The following AKAP19 variants were observed in gnomAD, a reference collection of about 807,000 sequenced individuals.
AKAP19 encodes the protein small A-kinase anchoring protein.
the AKAP19 span, among the ~76,000 whole-genome samples, chr2:189,960,069 G>A: frequency 6.6e-6 from 1 of 152,022 alleles, no homozygotes; most frequent in Non-Finnish European, 1.5e-5. Context: ...ACTTGCCTTG[G>A]CAGAACTGAG....
At chr2:190,010,309 T>A in the AKAP19 span, among the ~76,000 whole-genome samples, 3 of 152,198 alleles carry the variant, frequency 2.0e-5, no homozygotes, top group East Asian at 5.8e-4. Flanking sequence ...ATCCTTTAAT[T>A]GTGTCAATTT....
At chr2:190,128,690 A>C in the AKAP19 span, among the ~76,000 whole-genome samples, 1 of 152,342 alleles carries the variant, frequency 6.6e-6, no homozygotes, top group East Asian at 1.9e-4. Context: ...GTTTGTTTAC[A>C]TGCTTCTTTG....
At chr2:189,920,657 A>G in the AKAP19 span, among the ~76,000 whole-genome samples, 1 of 152,216 alleles carries the variant, frequency 6.6e-6, no homozygotes. Context: ...GCAACAGTTC[A>G]GTCCCACTTT....
At chr2:190,146,875 A>G in the AKAP19 span, among the ~76,000 whole-genome samples, 7 of 151,734 alleles carry the variant, frequency 4.6e-5, no homozygotes, top group Non-Finnish European at 7.4e-5. Context: ...GATTTGTTTG[A>G]GTTTATTATA....
the AKAP19 span, among the ~76,000 whole-genome samples, chr2:190,190,416 G>A: frequency 0.05 from 7,682 of 152,138 alleles, 619 homozygotes; most frequent in African/African-American, 0.17. Context: ...ATTCCATTTT[G>A]AGGATATCCC....
chr2:189,975,340 T>C, the AKAP19 span, among the ~76,000 whole-genome samples: 1 of 152,354 alleles, frequency 6.6e-6, no homozygotes, highest in Non-Finnish European at 1.5e-5. Flanking sequence ...GAGTTTCTGC[T>C]GAGAGATCCC....
the AKAP19 span, among the ~76,000 whole-genome samples, chr2:190,173,863 T>C: frequency 6.6e-6 from 1 of 152,228 alleles, no homozygotes; most frequent in Non-Finnish European, 1.5e-5. Flanking sequence ...TCAGCTTCCC[T>C]GTTCTTTGTT....
chr2:190,024,188 T>C, the AKAP19 span, among the ~76,000 whole-genome samples: 1 of 151,888 alleles, frequency 6.6e-6, no homozygotes, highest in Admixed American at 6.6e-5. Context: ...AGCGTCCTGG[T>C]AAATGTGTCT....
At chr2:190,042,023 TG>T in the AKAP19 span, among the ~76,000 whole-genome samples, 2 of 152,194 alleles carry the variant, frequency 1.3e-5, no homozygotes, top group African/African-American at 4.8e-5. Flanking sequence ...AGGGTGATGC[TG>T]GCCTCATAGA....
chr2:189,950,910 T>C, the AKAP19 span, among the ~76,000 whole-genome samples: 2 of 152,194 alleles, frequency 1.3e-5, no homozygotes. Context: ...TCTCTATCCC[T>C]GTTATTAGAA....
At chr2:190,034,098 T>C in the AKAP19 span, among the ~76,000 whole-genome samples, 2 of 96,676 alleles carry the variant, frequency 2.1e-5, no homozygotes, top group Non-Finnish European at 4.1e-5. Flanking sequence ...AAAAATTATA[T>C]AAATAAAAAA....
At chr2:189,976,059 A>G in the AKAP19 span, among the ~76,000 whole-genome samples, 14 of 152,146 alleles carry the variant, frequency 9.2e-5, no homozygotes, top group African/African-American at 3.1e-4. Flanking sequence ...AGGTGCTCTG[A>G]TTTTTAGAAT....
At chr2:189,880,083 A>C in the AKAP19 span, among the ~76,000 whole-genome samples, 4 of 152,124 alleles carry the variant, frequency 2.6e-5, no homozygotes, top group African/African-American at 7.2e-5. Flanking sequence ...ATTCTCTGTG[A>C]TTTTATCCAG....
chr2:190,096,915 T>G, the AKAP19 span, among the ~76,000 whole-genome samples: 1 of 152,168 alleles, frequency 6.6e-6, no homozygotes. Context: ...ATCCCATCCA[T>G]GAGGGCAGAG....
At chr2:190,080,324 T>C in the AKAP19 span, among the ~76,000 whole-genome samples, 1 of 152,230 alleles carries the variant, frequency 6.6e-6, no homozygotes, top group Non-Finnish European at 1.5e-5. Context: ...TGACCTCATA[T>C]TCCAGTGGGG....
chr2:189,937,227 A>G, the AKAP19 span, among the ~76,000 whole-genome samples: 9 of 152,324 alleles, frequency 5.9e-5, no homozygotes, highest in South Asian at 1.9e-3. Context: ...GAAGGGATGG[A>G]CTGACTACAA....
the AKAP19 span, among the ~76,000 whole-genome samples, chr2:189,968,091 A>T: frequency 6.6e-6 from 1 of 152,198 alleles, no homozygotes; most frequent in South Asian, 2.1e-4. Context: ...AGAGAAAAAC[A>T]GAATGATCAA....
the AKAP19 span, among the ~76,000 whole-genome samples, chr2:190,029,404 T>C: frequency 1.3e-5 from 2 of 152,218 alleles, no homozygotes; most frequent in East Asian, 3.9e-4. Flanking sequence ...GAATTCGAGC[T>C]CTAAATATTC....
At chr2:190,021,975 T>C in the AKAP19 span, among the ~76,000 whole-genome samples, 2 of 151,936 alleles carry the variant, frequency 1.3e-5, no homozygotes, top group East Asian at 1.9e-4. Flanking sequence ...CTCTGTGGAG[T>C]CCCAAAGCAA....
Sources: gnomAD v4.1 joint callset for allele counts (sites outside exome capture counted in the v4.1 genomes callset) on GRCh38, gnomAD v4.1.1 for gene constraint, MANE v1.5 for transcripts, NCBI Gene and HGNC (gene_info 2026-07-23, HGNC 2026-07-21) for gene names.